CLNK: variants seen among roughly 807,000 people sequenced by gnomAD.
The protein encoded by CLNK is cytokine dependent hematopoietic cell linker.
Under a neutral mutation model 68.6 loss-of-function variants are expected in CLNK, and 74 were observed. The ratio of observed to expected loss-of-function variants is 1.08; its 90% confidence interval spans 0.89 to 1.31. The LOEUF is 1.31. Among genes scored for constraint, CLNK ranks in the 50% most tolerant of loss-of-function variants. The pLI is 0.00. For missense variants in CLNK, 553 were observed against 515.3 expected (o/e 1.07, Z -0.71); for synonymous variants, 198 against 172.2 (o/e 1.15, Z -1.17).
chr4:10,702,975 C>A, the CLNK span, among the ~76,000 whole-genome samples: 1 of 152,000 alleles, frequency 6.6e-6, no homozygotes, highest in Non-Finnish European at 1.5e-5. Context: ...CACTAAGAGA[C>A]GAAGAGGAAC....
chr4:10,730,089 G>A, the CLNK span, among the ~76,000 whole-genome samples: 1 of 152,210 alleles, frequency 6.6e-6, no homozygotes, highest in Admixed American at 6.5e-5. Flanking sequence ...ATGGCCAGTG[G>A]CTGTGTTGGC....
chr4:10,626,056 G>A (rs933495848), intron 2 of CLNK, among the ~76,000 whole-genome samples: 3 of 152,170 alleles, frequency 2.0e-5, no homozygotes, highest in East Asian at 3.8e-4. Context: ...TCCTTCACTC[G>A]TGCACTTTGA....
the CLNK span, among the ~76,000 whole-genome samples, chr4:10,716,149 A>G: frequency 2.0e-5 from 3 of 152,232 alleles, no homozygotes; most frequent in South Asian, 2.1e-4. Flanking sequence ...TTAATTCTCA[A>G]GAAGTTTCTT....
chr4:10,638,975 T>C (rs1723206499), intron 2 of CLNK, among the ~76,000 whole-genome samples: 1 of 152,218 alleles, frequency 6.6e-6, no homozygotes, highest in African/African-American at 2.4e-5. Context: ...GTTACCTCTG[T>C]CTCCAAATGC....
chr4:10,651,203 T>C (rs1723719534), intron 2 of CLNK, among the ~76,000 whole-genome samples: 1 of 152,216 alleles, frequency 6.6e-6, no homozygotes, highest in African/African-American at 2.4e-5. Flanking sequence ...ACTGGGTATA[T>C]ACCCAAAGGA....
intron 16 of CLNK, 95 bp from the exon 17 acceptor site, chr4:10,508,131 C>A: frequency 1.1e-6 from 1 of 910,044 alleles, no homozygotes; most frequent in Non-Finnish European, 1.7e-6. Context: ...TCCACCAGTG[C>A]CTAATCATAG....
chr4:10,510,450 A>C (rs1336445593), intron 16 of CLNK, among the ~76,000 whole-genome samples: 3 of 152,166 alleles, frequency 2.0e-5, no homozygotes, highest in African/African-American at 4.8e-5. Flanking sequence ...TGACTTTTTA[A>C]AAAAATTAGG....
intron 2 of CLNK, among the ~76,000 whole-genome samples, chr4:10,649,048 G>C (rs115782883): frequency 1.2e-3 from 179 of 152,264 alleles, no homozygotes; most frequent in African/African-American, 3.6e-3. Flanking sequence ...ATTCATGCTC[G>C]TTGAAGGTGC....
intron 2 of CLNK, among the ~76,000 whole-genome samples, chr4:10,600,949 G>T (rs1020701265): frequency 6.6e-6 from 1 of 152,082 alleles, no homozygotes; most frequent in African/African-American, 2.4e-5. Context: ...CTTCTTCCTG[G>T]GTGCCTCGAG....
intron 16 of CLNK, among the ~76,000 whole-genome samples, chr4:10,511,214 A>G (rs1042880152): frequency 2.0e-5 from 3 of 152,092 alleles, no homozygotes; most frequent in African/African-American, 7.2e-5. Flanking sequence ...TATCTCCCTA[A>G]AAAGTATAAA....
At chr4:10,505,395 T>C (rs1316997206) in intron 17 of CLNK, among the ~76,000 whole-genome samples, 7 of 152,238 alleles carry the variant, frequency 4.6e-5, no homozygotes, top group Non-Finnish European at 1.0e-4. Flanking sequence ...AGTTTCCTCA[T>C]CTGGGAAATG....
intron 17 of CLNK, among the ~76,000 whole-genome samples, chr4:10,502,611 G>T (rs1328816928): frequency 6.6e-6 from 1 of 151,628 alleles, no homozygotes; most frequent in African/African-American, 2.4e-5. Flanking sequence ...TAGAGATAGT[G>T]GGAGCCACAG....
At chr4:10,713,355 G>A in the CLNK span, among the ~76,000 whole-genome samples, 37 of 152,188 alleles carry the variant, frequency 2.4e-4, no homozygotes, top group Non-Finnish European at 5.0e-4. Context: ...AGACATGGAC[G>A]AAATGAGTGC....
At chr4:10,733,575 C>T in the CLNK span, among the ~76,000 whole-genome samples, 2 of 152,184 alleles carry the variant, frequency 1.3e-5, no homozygotes, top group African/African-American at 4.8e-5. Context: ...AATGATAGCA[C>T]ATTGCTTTCT....
chr4:10,620,059 C>G (rs927404467), intron 2 of CLNK, among the ~76,000 whole-genome samples: 53 of 152,318 alleles, frequency 3.5e-4, no homozygotes, highest in African/African-American at 1.2e-3. Context: ...CTTCCTTTCT[C>G]TGCTCTTCAC....
intron 4 of CLNK, among the ~76,000 whole-genome samples, chr4:10,576,506 T>C (rs987683447): frequency 6.6e-6 from 1 of 152,142 alleles, no homozygotes; most frequent in Admixed American, 6.5e-5. Flanking sequence ...GAAGTGAAGA[T>C]GGATATACGC....
intron 2 of CLNK, among the ~76,000 whole-genome samples, chr4:10,610,180 C>T (rs1445714298): frequency 4.7e-5 from 7 of 149,754 alleles, no homozygotes; most frequent in African/African-American, 1.7e-4. Flanking sequence ...CCTCAGCCTC[C>T]CGAGTAGCTG....
rs1443659805 is a variant in CLNK at position 10,558,471 on chromosome 4, C to T, written c.400-19G>A. ...TGTCCACCTGTACAAGACAATGAGG[C>T]ACCATTATCTCTTCAGTTGTGACTA... On this transcript the variant is annotated intron_variant, in intron 7 of 18. Transcript: ENST00000226951. 4 of 1,611,504 alleles carry T rather than the reference C, an allele frequency of 2.5e-6. No individual in the cohort carries two copies. In the African/African-American group the frequency reaches 4.0e-5, roughly 16 times the overall value.
At chr4:10,609,119 G>A (rs770883674) in intron 2 of CLNK, among the ~76,000 whole-genome samples, 4 of 152,200 alleles carry the variant, frequency 2.6e-5, no homozygotes, top group Admixed American at 6.5e-5. Context: ...TGCTGCCCTC[G>A]TGAAGCTGAC....
Sources: gnomAD v4.1 joint callset for allele counts (sites outside exome capture counted in the v4.1 genomes callset) on GRCh38, gnomAD v4.1.1 for gene constraint, MANE v1.5 for transcripts, NCBI Gene and HGNC (gene_info 2026-07-23, HGNC 2026-07-21) for gene names.